The following UBAP2 variants were observed in gnomAD, a reference collection of about 807,000 sequenced individuals.
The protein encoded by UBAP2 is ubiquitin-associated protein 2.
In UBAP2, 75 loss-of-function variants were observed where a neutral mutation model predicts 139.6. The observed-to-expected ratio is 0.54, with a 90% CI of 0.45 to 0.65. The LOEUF is 0.65. UBAP2 is among the 30% of genes least tolerant of loss of function. The pLI, the probability that UBAP2 is intolerant of heterozygous loss-of-function variation, is 0.00. For synonymous variants in UBAP2, 526 were observed against 526.2 expected, an observed-to-expected ratio of 1.00 and a Z score of 0.01; for missense variants, 1,368 against 1,369.6, an observed-to-expected ratio of 1.00 and a Z score of 0.02.
chr9:33,999,695 C>T (rs1822518861), intron 2 of UBAP2, among the ~76,000 whole-genome samples: 1 of 151,808 alleles, frequency 6.6e-6, no homozygotes, highest in African/African-American at 2.4e-5. Flanking sequence ...CTGCATCTGG[C>T]AAAAATTACC....
intron 5 of UBAP2, among the ~76,000 whole-genome samples, chr9:33,987,516 G>A (rs2131139201): frequency 6.6e-6 from 1 of 152,296 alleles, no homozygotes; most frequent in East Asian, 1.9e-4. Flanking sequence ...GCTGAGGTGG[G>A]AGGATCACCT....
intron 8 of UBAP2, among the ~76,000 whole-genome samples, chr9:33,969,074 T>C (rs374635116): frequency 4.0e-5 from 6 of 150,216 alleles, no homozygotes; most frequent in African/African-American, 1.2e-4. Context: ...CATTCATCCA[T>C]TGATAAACAT....
chr9:33,933,760 A>G, intron 17 of UBAP2, 132 bp from the exon 18 acceptor site: 1 of 1,295,608 alleles, frequency 7.7e-7, no homozygotes, highest in Non-Finnish European at 1.1e-6. Flanking sequence ...TACATTCCCC[A>G]GGAAAATGCC....
intron 9 of UBAP2, among the ~76,000 whole-genome samples, chr9:33,962,075 G>A (rs1030152490): frequency 6.6e-6 from 1 of 152,080 alleles, no homozygotes; most frequent in Non-Finnish European, 1.5e-5. Flanking sequence ...GTTAATGAAA[G>A]CCAGAATTGT....
chr9:34,013,508 T>C (rs917631598), intron 2 of UBAP2, among the ~76,000 whole-genome samples: 5 of 150,992 alleles, frequency 3.3e-5, no homozygotes, highest in Admixed American at 1.3e-4. Flanking sequence ...TAAAAAACTC[T>C]CTTTCATCAT....
intron 17 of UBAP2, 146 bp downstream of exon 17, chr9:33,935,693 C>G (rs1428187326): frequency 1.2e-6 from 1 of 856,122 alleles, no homozygotes; most frequent in Admixed American, 2.0e-5. Context: ...ACAGCCAACA[C>G]CTGGTCCAAA....
intron 6 of UBAP2, among the ~76,000 whole-genome samples, chr9:33,980,625 A>G (rs1820580301): frequency 6.6e-6 from 1 of 152,102 alleles, no homozygotes; most frequent in East Asian, 1.9e-4. Flanking sequence ...GTATATTGAT[A>G]TCTTTTTCTG....
chr9:33,931,472 A>G (rs1823975636), intron 19 of UBAP2, among the ~76,000 whole-genome samples: 1 of 152,142 alleles, frequency 6.6e-6, no homozygotes, highest in Non-Finnish European at 1.5e-5. Context: ...GCTCCCAGGC[A>G]GCAGTGGCAC....
chr9:34,021,550 T>C lies in UBAP2; in HGVS notation c.-41-4361A>G, dbSNP rs1415887546. Reference sequence around the variant, plus strand: ...AAGCATTCTCTCAGATATGAATAAATGCATACGAACACACTGTTTTAAAAC... The same window carrying C: ...AAGCATTCTCTCAGATATGAATAAACGCATACGAACACACTGTTTTAAAAC... On this transcript the variant is annotated intron_variant, in intron 1 of 28. Transcript: ENST00000379238. Among the ~76,000 whole-genome samples, 5 of 152,270 alleles carry C rather than the reference T, an allele frequency of 3.3e-5. No individual in the cohort carries two copies. In the East Asian group the frequency reaches 5.8e-4, roughly 18 times the overall value.
At chr9:33,986,715 T>A in intron 6 of UBAP2, 45 bp downstream of exon 6, 1 of 1,535,318 alleles carries the variant, frequency 6.5e-7, no homozygotes, top group Non-Finnish European at 9.0e-7. Context: ...TGCCTGCTTC[T>A]TCCCCCTAAT....
At chr9:33,932,494 G>C in intron 19 of UBAP2, 68 bp downstream of exon 19, 1 of 1,576,102 alleles carries the variant, frequency 6.3e-7, no homozygotes, top group Non-Finnish European at 8.7e-7. Context: ...TGAAGCCCCA[G>C]CTGCATGTGA....
At chr9:33,966,451 A>G (rs1587578460) in intron 8 of UBAP2, among the ~76,000 whole-genome samples, 1 of 152,044 alleles carries the variant, frequency 6.6e-6, no homozygotes, top group African/African-American at 2.4e-5. Context: ...GTGAGACTCC[A>G]TCTCGAAAAA....
At chr9:33,987,547 T>G (rs1052228967) in intron 5 of UBAP2, among the ~76,000 whole-genome samples, 1 of 152,184 alleles carries the variant, frequency 6.6e-6, no homozygotes, top group African/African-American at 2.4e-5. Flanking sequence ...AGGTCAAGGC[T>G]GCAGTGAGCT....
rs1192236934 is a variant in UBAP2 at position 34,017,046 on chromosome 9, T to G, written c.99+4A>C. The G allele has an allele frequency of 6.4e-7, 1 of 1,567,946 alleles. No homozygotes were observed. Among genetic ancestry groups the G allele is most frequent in the East Asian group, 2.3e-5 (1 of 44,348 alleles). On this transcript the variant is annotated splice_donor_region_variant and intron_variant, in intron 2 of 28. Transcript: ENST00000379238. ...AAAAAAAAAAGAGTTCCACAAAAAC[T>G]TACCTGTACCACTTGTTTCTGTGGT... is the stretch of plus-strand genomic sequence containing the variant.
rs778338178 is a variant in UBAP2 at position 33,944,566 on chromosome 9, T to C, written c.1344A>G (p.Ala448=). The part of the protein sequence containing the change: ...LSQRQQHQSQ[A]VTVPPPGLES... Reference sequence around the variant, plus strand: ...CCAAACCAGGAGGAGGAACAGTGACTGCCTGGCTCTGGTGCTGTTGTCGCT... The same window carrying C: ...CCAAACCAGGAGGAGGAACAGTGACCGCCTGGCTCTGGTGCTGTTGTCGCT... The change falls in exon 14 of 29, where the codon GCA becomes GCG. Residue 448 remains alanine, a synonymous_variant. Coordinates refer to ENST00000379238, the MANE Select transcript of UBAP2 (RefSeq NM_001370062.2). 1.4e-4 allele frequency: 228 copies of C among 1,614,056 alleles called. No homozygotes were observed. The highest frequency in any genetic ancestry group is 1.9e-4 in the Non-Finnish European group (221 of 1,180,036).
chr9:34,028,431 G>C (rs1230112717), intron 1 of UBAP2, among the ~76,000 whole-genome samples: 1 of 151,084 alleles, frequency 6.6e-6, no homozygotes, highest in African/African-American at 2.4e-5. Context: ...CCAGGCTGGA[G>C]TGCAGTGGCG....
chr9:34,007,568 G>T (rs1341452668), intron 2 of UBAP2, among the ~76,000 whole-genome samples: 1 of 151,460 alleles, frequency 6.6e-6, no homozygotes, highest in East Asian at 1.9e-4. Context: ...ACCACAAAGG[G>T]ATGTTGAATT....
intron 8 of UBAP2, chr9:33,968,128 A>G (rs1792758932): frequency 5.6e-6 from 3 of 539,572 alleles, no homozygotes; most frequent in South Asian, 3.0e-5. Flanking sequence ...CCATAAAAAA[A>G]CTCAACAGGA....
chr9:34,014,093 G>C (rs765967691), intron 2 of UBAP2, among the ~76,000 whole-genome samples: 5 of 151,838 alleles, frequency 3.3e-5, no homozygotes, highest in Non-Finnish European at 4.4e-5. Flanking sequence ...GAGATCAAGG[G>C]GGGGACAGAT....
Sources: gnomAD v4.1 joint callset for allele counts (sites outside exome capture counted in the v4.1 genomes callset) on GRCh38, gnomAD v4.1.1 for gene constraint, MANE v1.5 for transcripts, NCBI Gene and HGNC (gene_info 2026-07-23, HGNC 2026-07-21) for gene names.